Variants in PNPT1 observed in about 807,000 individuals in gnomAD.
PNPT1 encodes the protein polyribonucleotide nucleotidyltransferase 1, also known as polyribonucleotide nucleotidyltransferase 1, mitochondrial.
In PNPT1, 53 loss-of-function variants were observed where a neutral mutation model predicts 119.5. That is an observed-to-expected ratio of 0.44 (90% CI 0.36 to 0.56). PNPT1 has a LOEUF of 0.56. Ranked by LOEUF, PNPT1 falls within the 20% of genes least tolerant of loss-of-function variation. The probability of loss-of-function intolerance (pLI) is 0.00; values close to 1 mark genes in which losing one functional copy is unlikely to be tolerated. For synonymous variants in PNPT1, 357 were observed against 322.1 expected (o/e 1.11, Z -1.16); for missense variants, 948 against 938.5 (o/e 1.01, Z -0.13).
Position 55,643,318 on chromosome 2 carries a change from C to T in PNPT1, c.2013+1G>A, listed in dbSNP as rs1315448682. On this transcript the variant is annotated splice_donor_variant, in intron 24 of 27. Transcript: ENST00000447944. LOFTEE classifies it high-confidence loss of function. ...ACGTAATTAATATGATCTATACTTA[C>T]ATCATCCTTGCAGATTTCAGTAATG... 2 of 1,613,072 alleles carry T rather than the reference C, an allele frequency of 1.2e-6. No homozygotes were observed. Among genetic ancestry groups the T allele is most frequent in the Non-Finnish European group, 1.7e-6 (2 of 1,179,040 alleles).
At position 55,672,933 on chromosome 2, in the gene PNPT1, A is replaced by G; in HGVS notation, c.826T>C (p.Leu276=). The change falls in exon 9 of 28, where the codon TTA becomes CTA. Residue 276 remains leucine (L), a synonymous_variant. Transcript: ENST00000447944. ...TGVTKRTPQK[L]FTPSPEIVKY... ...ACAATCTCTGGCGAAGGGGTAAATAACTTCTGAGGTGTCCTCTTGGTAACA... is the reference window on the plus strand; with the variant it reads ...ACAATCTCTGGCGAAGGGGTAAATAGCTTCTGAGGTGTCCTCTTGGTAACA... 1 of 1,609,516 alleles carries G rather than the reference A, an allele frequency of 6.2e-7. No homozygotes were observed. Among genetic ancestry groups the G allele is most frequent in the Non-Finnish European group, 8.5e-7 (1 of 1,178,886 alleles).
rs538713029 is a variant in PNPT1, at chr2:55,667,938, G to A, written c.997C>T (p.Pro333Ser). The change falls in exon 12 of 28, where the codon CCA becomes TCA. Residue 333 changes from proline to serine, a missense_variant. Pro to Ser is a moderately conservative substitution (Grantham distance 74). Coordinates refer to ENST00000447944, the MANE Select transcript of PNPT1 (RefSeq NM_033109.5). ...QLKEKFPEAD[P>S]YEIIESFNVV... The stretch of plus-strand genomic sequence containing the variant: ...TTGAAGGATTCTATTATTTCATATG[G>A]ATCGGCTTCTGGAAATTTTTCTATA... The A allele has an allele frequency of 1.3e-6, 2 of 1,578,034 alleles. No homozygotes were observed. The highest frequency in any genetic ancestry group is 2.8e-5 in the African/African-American group (2 of 72,100).
intron 26 of PNPT1, among the ~76,000 whole-genome samples, chr2:55,638,123 G>A (rs1483340119): frequency 6.6e-6 from 1 of 151,298 alleles, no homozygotes; most frequent in African/African-American, 2.4e-5. Context: ...CCAACATGGT[G>A]AAACCCTATC....
At chr2:55,669,255 A>C (rs1430490381) in intron 11 of PNPT1, among the ~76,000 whole-genome samples, 1 of 152,172 alleles carries the variant, frequency 6.6e-6, no homozygotes, top group Non-Finnish European at 1.5e-5. Context: ...TACAGCTGTG[A>C]CCTGAATAAA....
intron 13 of PNPT1, among the ~76,000 whole-genome samples, chr2:55,666,763 G>T (rs1377530837): frequency 2.0e-5 from 3 of 152,180 alleles, no homozygotes; most frequent in African/African-American, 7.2e-5. Context: ...GATCGCCTGA[G>T]TCCAGGAGTT....
At chr2:55,687,530 T>C (rs776660571) in intron 2 of PNPT1, 115 bp downstream of exon 2, 32 of 734,932 alleles carry the variant, frequency 4.4e-5, no homozygotes, top group Non-Finnish European at 6.7e-5. Context: ...TAGTAGTATC[T>C]GAATTAATTT....
chr2:55,691,757 G>C (rs1162970959), intron 1 of PNPT1, among the ~76,000 whole-genome samples: 1 of 151,160 alleles, frequency 6.6e-6, no homozygotes, highest in Non-Finnish European at 1.5e-5. Context: ...TGAATGCTGG[G>C]AGTGGAATAA....
At chr2:55,655,471 T>A (rs539390597) in intron 17 of PNPT1, among the ~76,000 whole-genome samples, 16 of 152,324 alleles carry the variant, frequency 1.1e-4, no homozygotes, top group African/African-American at 3.8e-4. Flanking sequence ...CTAATAGACT[T>A]CCTAGTGCAT....
chr2:55,640,240 G>C (rs1395022263), intron 26 of PNPT1, among the ~76,000 whole-genome samples: 4 of 151,818 alleles, frequency 2.6e-5, no homozygotes, highest in Non-Finnish European at 4.4e-5. Flanking sequence ...CGCATCCTCC[G>C]CCTCCCGGGT....
At chr2:55,641,413 C>T (rs1012756404) in intron 25 of PNPT1, among the ~76,000 whole-genome samples, 4 of 151,156 alleles carry the variant, frequency 2.6e-5, no homozygotes, top group African/African-American at 9.7e-5. Flanking sequence ...GGATTACAGG[C>T]ATGTGCCACC....
chr2:55,636,205 T>A lies in PNPT1; in HGVS notation c.*32A>T. ...CTACAGCACATCACCCTAGACAAAA[T>A]AGAATTCTAGAATTCTCTTTAAAAA... On this transcript the variant is annotated 3_prime_UTR_variant, in exon 28 of 28. Coordinates refer to ENST00000447944, the MANE Select transcript of PNPT1 (RefSeq NM_033109.5). The A allele has an allele frequency of 6.5e-7, 1 of 1,537,728 alleles. No individual in the cohort carries two copies. Among genetic ancestry groups the A allele is most frequent in the Non-Finnish European group, 8.9e-7 (1 of 1,124,006 alleles).
intron 4 of PNPT1, 78 bp downstream of exon 4, chr2:55,684,865 G>A (rs537693122): frequency 2.2e-6 from 3 of 1,371,560 alleles, no homozygotes; most frequent in East Asian, 5.1e-5. Context: ...AAGACTTATT[G>A]TAGAACACAG....
rs1696968359 is a variant in PNPT1, at chr2:55,673,219, C to T, written c.680-140G>A. 14 of 610,940 alleles carry T rather than the reference C, an allele frequency of 2.3e-5. No homozygotes were observed. The East Asian group carries it at 4.5e-4, about 20-fold the overall frequency. 37.8% of individuals were successfully genotyped at this position (610,940 alleles called of 1,614,324 possible). On this transcript the variant is annotated intron_variant, in intron 8 of 27. Transcript: ENST00000447944. ...ATAGATCCACCTTGATTTCTTTCCT[C>T]AGAATCAACATACTTCCAAAATGTA...
rs1471184479 is a variant in PNPT1 at position 55,690,993 on chromosome 2, C to G, written c.161+2670G>C. Among the ~76,000 whole-genome samples, 5 of 152,320 alleles carry G rather than the reference C, an allele frequency of 3.3e-5. 1 individual carries two copies. The highest frequency in any genetic ancestry group is 1.2e-4 in the African/African-American group (5 of 41,574). ...TGACATCTTGAAATTTTGTTTAACCCTGAGTAACATGCCACCAGTACTTCT... is the reference window on the plus strand; with the variant it reads ...TGACATCTTGAAATTTTGTTTAACCGTGAGTAACATGCCACCAGTACTTCT... On this transcript the variant is annotated intron_variant, in intron 1 of 27. Transcript: ENST00000447944.
rs145458797 is a variant in PNPT1 at position 55,679,417 on chromosome 2, T to C, written c.679+265A>G. Among the ~76,000 whole-genome samples, 4,537 of 152,280 alleles carry C rather than the reference T, an allele frequency of 0.03. 106 individuals carry two copies. Among genetic ancestry groups the C allele is most frequent in the South Asian group, 0.089 (430 of 4,826 alleles). On this transcript the variant is annotated intron_variant, in intron 8 of 27. Transcript: ENST00000447944. ...TTTTAGACTAAAAATTAGTCATAAT[T>C]TTAATAATTAAAATTTAGTCTAAAA...
At chr2:55,691,848 T>TTATATATATATATATATA (rs869195974) in intron 1 of PNPT1, among the ~76,000 whole-genome samples, 16 of 87,228 alleles carry the variant, frequency 1.8e-4, no homozygotes, top group South Asian at 5.6e-4. Context: ...TTAAAAATGT[T>TTATATATATATATATATA]TATATATATA....
chr2:55,642,128 C>G lies in PNPT1; in HGVS notation c.2069+1030G>C, dbSNP rs576805753. 1.1e-3 allele frequency among the ~76,000 whole-genome samples: 160 copies of G among 152,028 alleles called. 3 individuals are homozygous for G. Among genetic ancestry groups the G allele is most frequent in the East Asian group, 2.3e-3 (12 of 5,166 alleles). On this transcript the variant is annotated intron_variant, in intron 25 of 27. Transcript: ENST00000447944. ...GAGCTGGGATTACAGGCGTGAGCCA[C>G]CATGCACAGCCGAAATTGGATTTAA...
At chr2:55,671,165 G>A (rs1263165219) in intron 11 of PNPT1, among the ~76,000 whole-genome samples, 154 bp downstream of exon 11, 1 of 152,146 alleles carries the variant, frequency 6.6e-6, no homozygotes, top group Non-Finnish European at 1.5e-5. Flanking sequence ...CTAGGGAACA[G>A]CAGCTGTAAA....
rs981236161 is a variant in PNPT1 at position 55,636,459 on chromosome 2, A to G, written c.2197-67T>C. 19 of 1,501,296 alleles carry G rather than the reference A, an allele frequency of 1.3e-5. No individual in the cohort carries two copies. In the Admixed American group the frequency reaches 2.3e-4, roughly 18 times the overall value. 93.0% of individuals were successfully genotyped at this position (1,501,296 alleles called of 1,614,324 possible). A position where few individuals can be genotyped will look rare whatever the true frequency, so the allele number is the denominator to read the frequency against. On this transcript the variant is annotated intron_variant, in intron 27 of 27. Transcript: ENST00000447944. Reference sequence around the variant, plus strand: ...TTGAGTGACATCTAAACTAATAGACATTTAAATTTACATGGTCCAAATAAG... The same window carrying G: ...TTGAGTGACATCTAAACTAATAGACGTTTAAATTTACATGGTCCAAATAAG...
Sources: allele counts gnomAD v4.1 joint callset (sites outside exome capture counted in the v4.1 genomes callset), GRCh38; gene constraint gnomAD v4.1.1; transcripts MANE v1.5; gene names NCBI Gene and HGNC (gene_info 2026-07-23, HGNC 2026-07-21).